CTNNA3: variants seen among roughly 807,000 people sequenced by gnomAD.
CTNNA3 encodes the protein catenin alpha 3, also known as catenin alpha-3.
CTNNA3 carries 76 observed loss-of-function variants against 95.7 expected under a neutral mutation model. That is an observed-to-expected ratio of 0.79 (90% CI 0.66 to 0.96). The LOEUF (loss-of-function observed/expected upper bound fraction) is 0.96, where lower values mean the gene tolerates loss of function less well. Among genes scored for constraint, CTNNA3 ranks in the 40% least tolerant of loss-of-function variants. The pLI is 0.00. For missense variants in CTNNA3, 1,191 were observed against 1,089.8 expected (o/e 1.09, Z -1.31); for synonymous variants, 431 against 374.4 (o/e 1.15, Z -1.74).
chr10:65,956,229 G>A (rs2077727833), intron 17 of CTNNA3, among the ~76,000 whole-genome samples: 1 of 152,080 alleles, frequency 6.6e-6, no homozygotes, highest in Non-Finnish European at 1.5e-5. Flanking sequence ...GGGATAAGTG[G>A]TGAGATCCCC....
At chr10:67,243,000 C>T (rs190791209) in intron 5 of CTNNA3, among the ~76,000 whole-genome samples, 2 of 152,196 alleles carry the variant, frequency 1.3e-5, no homozygotes, top group Non-Finnish European at 2.9e-5. Context: ...TCTCTCCATG[C>T]AACAAACTAT....
chr10:66,880,803 T>C (rs1844819779), intron 7 of CTNNA3, among the ~76,000 whole-genome samples: 1 of 152,116 alleles, frequency 6.6e-6, no homozygotes, highest in East Asian at 1.9e-4. Context: ...GTTTGCATAA[T>C]AGCAGTTTTC....
chr10:67,418,249 A>G (rs544600596), intron 5 of CTNNA3, among the ~76,000 whole-genome samples: 12 of 152,212 alleles, frequency 7.9e-5, no homozygotes, highest in Non-Finnish European at 1.8e-4. Flanking sequence ...CACCTTGCAC[A>G]TTGTTCATTC....
intron 13 of CTNNA3, among the ~76,000 whole-genome samples, chr10:66,253,290 A>T (rs2090631205): frequency 6.6e-6 from 1 of 152,106 alleles, no homozygotes; most frequent in Non-Finnish European, 1.5e-5. Context: ...ATTCTATGTA[A>T]TGGCCAAGCA....
intron 11 of CTNNA3, among the ~76,000 whole-genome samples, chr10:66,416,522 T>C (rs766579669): frequency 6.8e-6 from 1 of 146,640 alleles, no homozygotes; most frequent in Non-Finnish European, 1.5e-5. Flanking sequence ...ATTTCTAAAA[T>C]CCATGAAAAA....
At chr10:67,070,099 T>A (rs916682370) in intron 7 of CTNNA3, among the ~76,000 whole-genome samples, 1 of 152,212 alleles carries the variant, frequency 6.6e-6, no homozygotes, top group Non-Finnish European at 1.5e-5. Flanking sequence ...CTCGTCAGTG[T>A]GTAGTATTAT....
At chr10:66,752,518 AG>A (rs1387305299) in intron 9 of CTNNA3, among the ~76,000 whole-genome samples, 1 of 152,190 alleles carries the variant, frequency 6.6e-6, no homozygotes, top group Non-Finnish European at 1.5e-5. Context: ...ATTCTGGATT[AG>A]GCAAAAGTTT....
chr10:67,185,881 A>G (rs567147753), intron 6 of CTNNA3, among the ~76,000 whole-genome samples: 1 of 151,940 alleles, frequency 6.6e-6, no homozygotes, highest in East Asian at 1.9e-4. Context: ...TTAGCTAGGC[A>G]TGGTGGCATG....
intron 9 of CTNNA3, among the ~76,000 whole-genome samples, chr10:66,752,772 C>T (rs1482766388): frequency 6.6e-6 from 1 of 151,954 alleles, no homozygotes; most frequent in African/African-American, 2.4e-5. Flanking sequence ...AAGATATCCA[C>T]TTCAGAAAGG....
In CTNNA3 at chr10:66,280,730, G is replaced by C. The variant is rs149470831; in HGVS notation, c.1733-109C>G. 946 of 694,954 alleles carry C rather than the reference G, an allele frequency of 1.4e-3. 3 individuals carry two copies. Among genetic ancestry groups the C allele is most frequent in the Non-Finnish European group, 1.1e-3 (480 of 447,000 alleles). The allele number at this position is 694,954 out of a possible 1,614,324, so 43.0% of individuals were successfully genotyped here. On this transcript the variant is annotated intron_variant, in intron 12 of 17. Transcript: ENST00000433211. ...GTTTTAAACAAATATTTGATTAATAGATCTTTAATTGTATTTTTTAAATAT... is the reference window on the plus strand; with the variant it reads ...GTTTTAAACAAATATTTGATTAATACATCTTTAATTGTATTTTTTAAATAT...
At chr10:67,034,102 G>C (rs539475564) in intron 7 of CTNNA3, among the ~76,000 whole-genome samples, 2 of 152,190 alleles carry the variant, frequency 1.3e-5, no homozygotes, top group African/African-American at 4.8e-5. Context: ...AAAATAAGCT[G>C]ACACATTGTT....
chr10:67,234,924 G>A (rs903546562), intron 5 of CTNNA3, among the ~76,000 whole-genome samples: 39 of 146,740 alleles, frequency 2.7e-4, no homozygotes, highest in Non-Finnish European at 4.9e-4. Context: ...TTGCTTCAAA[G>A]AGAATAAAAT....
Position 65,916,140 on chromosome 10 carries a change from T to G in CTNNA3, c.*4190A>C, listed in dbSNP as rs2077005305. The G allele has an allele frequency of 6.6e-6, 1 of 152,044 alleles. No homozygotes were observed. The highest frequency in any genetic ancestry group is 2.4e-5 in the African/African-American group (1 of 41,438). 9.4% of individuals were successfully genotyped at this position (152,044 alleles called of 1,614,324 possible). On this transcript the variant is annotated 3_prime_UTR_variant, in exon 18 of 18. Transcript: ENST00000433211. Reference sequence around the variant, plus strand: ...AGAGTCATAAAGAAAAAAATGGAATTTTCATATAAATAAAAACAGTAACAT... The same window carrying G: ...AGAGTCATAAAGAAAAAAATGGAATGTTCATATAAATAAAAACAGTAACAT...
intron 5 of CTNNA3, among the ~76,000 whole-genome samples, chr10:67,294,457 A>AT (rs955839675): frequency 2.6e-5 from 4 of 152,022 alleles, no homozygotes; most frequent in African/African-American, 4.8e-5. Flanking sequence ...TCTTAATTTG[A>AT]TTTTTTTTAA....
chr10:67,053,734 G>A (rs1048120064), intron 7 of CTNNA3, among the ~76,000 whole-genome samples: 1 of 152,166 alleles, frequency 6.6e-6, no homozygotes, highest in African/African-American at 2.4e-5. Flanking sequence ...GGTAAGCAAT[G>A]GAGAAAAGGA....
At chr10:67,212,244 G>A (rs968443329) in intron 6 of CTNNA3, among the ~76,000 whole-genome samples, 2 of 151,832 alleles carry the variant, frequency 1.3e-5, no homozygotes, top group Non-Finnish European at 2.9e-5. Context: ...AATATGCTCA[G>A]TAGCTTTAAA....
chr10:67,059,164 G>A (rs1855611153), intron 7 of CTNNA3, among the ~76,000 whole-genome samples: 2 of 152,054 alleles, frequency 1.3e-5, no homozygotes, highest in Admixed American at 1.3e-4. Context: ...CTAGTAACAA[G>A]GTAACATAAC....
chr10:66,343,209 C>A (rs916237521), intron 12 of CTNNA3, among the ~76,000 whole-genome samples: 1 of 152,048 alleles, frequency 6.6e-6, no homozygotes, highest in Non-Finnish European at 1.5e-5. Context: ...TATGATCCAG[C>A]AATCCTGGTA....
chr10:66,186,400 AT>A (rs1465946064), intron 13 of CTNNA3, among the ~76,000 whole-genome samples: 2 of 152,080 alleles, frequency 1.3e-5, no homozygotes, highest in African/African-American at 4.8e-5. Context: ...TGTCAGTGTT[AT>A]AATTTAAGTC....
Sources: gnomAD v4.1 joint callset for allele counts (sites outside exome capture counted in the v4.1 genomes callset) on GRCh38, gnomAD v4.1.1 for gene constraint, MANE v1.5 for transcripts, NCBI Gene and HGNC (gene_info 2026-07-23, HGNC 2026-07-21) for gene names.